Variants in NRXN3 observed in about 807,000 individuals in gnomAD.
NRXN3 encodes the protein neurexin 3.
NRXN3 carries 32 observed loss-of-function variants against 137.6 expected under a neutral mutation model. The observed-to-expected ratio is 0.23, with a 90% confidence interval of 0.18 to 0.31. NRXN3 has a LOEUF of 0.31. Ranked by LOEUF, NRXN3 falls within the 10% of genes least tolerant of loss-of-function variation. The pLI is 1.00. For missense variants in NRXN3, 1,574 were observed against 2,062.5 expected (o/e 0.76, Z 4.59); for synonymous variants, 798 against 784.5 (o/e 1.02, Z -0.29).
chr14:79,556,093 C>T (rs899625694), intron 16 of NRXN3, among the ~76,000 whole-genome samples: 2 of 152,156 alleles, frequency 1.3e-5, no homozygotes, highest in Middle Eastern at 3.4e-3. Flanking sequence ...ACACAGACAC[C>T]GTTTTAATCC....
chr14:78,647,793 T>A (rs1005136700), intron 5 of NRXN3, among the ~76,000 whole-genome samples: 5 of 152,360 alleles, frequency 3.3e-5, no homozygotes, highest in South Asian at 4.1e-4. Flanking sequence ...ATAAGATTAT[T>A]ATTTTGTCCA....
At chr14:78,847,035 C>T (rs1359409564) in intron 10 of NRXN3, among the ~76,000 whole-genome samples, 1 of 152,070 alleles carries the variant, frequency 6.6e-6, no homozygotes, top group Admixed American at 6.6e-5. Context: ...TGTGGTCCCT[C>T]ACTGTTGCTC....
intron 4 of NRXN3, among the ~76,000 whole-genome samples, chr14:78,606,337 C>G (rs2097252660): frequency 6.6e-6 from 1 of 152,110 alleles, no homozygotes; most frequent in African/African-American, 2.4e-5. Context: ...CAGGAAATAC[C>G]AACTTCAGTT....
At chr14:78,378,873 C>T (rs2088453426) in intron 4 of NRXN3, among the ~76,000 whole-genome samples, 1 of 151,952 alleles carries the variant, frequency 6.6e-6, no homozygotes, top group African/African-American at 2.4e-5. Flanking sequence ...AAAATTGACA[C>T]AACTTTAGCT....
chr14:79,847,187 A>C (rs774316912), intron 20 of NRXN3, among the ~76,000 whole-genome samples: 8 of 152,154 alleles, frequency 5.3e-5, no homozygotes, highest in Non-Finnish European at 1.0e-4. Context: ...ACAAACAAGA[A>C]TCACCTCAAC....
At chr14:78,376,389 G>A (rs1253193386) in intron 4 of NRXN3, among the ~76,000 whole-genome samples, 3 of 152,114 alleles carry the variant, frequency 2.0e-5, no homozygotes, top group Admixed American at 2.0e-4. Context: ...AACAGATCTG[G>A]TTTTTACATT....
chr14:78,176,289 AT>A (rs1301612385), intron 1 of NRXN3, among the ~76,000 whole-genome samples: 1 of 151,836 alleles, frequency 6.6e-6, no homozygotes, highest in Non-Finnish European at 1.5e-5. Context: ...AGTAATCACC[AT>A]TCTCATCATC....
intron 16 of NRXN3, among the ~76,000 whole-genome samples, chr14:79,490,320 C>T (rs1940334297): frequency 6.6e-6 from 1 of 152,066 alleles, no homozygotes; most frequent in South Asian, 2.1e-4. Context: ...TGGGTAAATA[C>T]CCAAAAGAAA....
chr14:78,467,890 A>G (rs1231186380), intron 4 of NRXN3, among the ~76,000 whole-genome samples: 2 of 149,366 alleles, frequency 1.3e-5, no homozygotes, highest in Non-Finnish European at 3.0e-5. Flanking sequence ...TTGTAAATAC[A>G]TATATCCTAG....
chr14:78,826,242 T>C (rs923193949), intron 10 of NRXN3, among the ~76,000 whole-genome samples: 1 of 152,152 alleles, frequency 6.6e-6, no homozygotes, highest in Non-Finnish European at 1.5e-5. Context: ...AATTTTTTAG[T>C]TAACCTGTCA....
At chr14:78,291,074 G>A (rs965280367) in intron 3 of NRXN3, among the ~76,000 whole-genome samples, 1 of 152,196 alleles carries the variant, frequency 6.6e-6, no homozygotes, top group Non-Finnish European at 1.5e-5. Context: ...GGTCATAAAT[G>A]AAGCTGATGT....
chr14:78,404,373 TTG>T (rs1439892853), intron 4 of NRXN3, among the ~76,000 whole-genome samples: 1 of 152,112 alleles, frequency 6.6e-6, no homozygotes, highest in African/African-American at 2.4e-5. Flanking sequence ...TTTTCAGAAC[TTG>T]TGTGATTCAG....
intron 2 of NRXN3, among the ~76,000 whole-genome samples, chr14:78,265,851 T>A (rs895533698): frequency 6.6e-6 from 1 of 152,218 alleles, no homozygotes; most frequent in Admixed American, 6.5e-5. Flanking sequence ...ATCACAATGA[T>A]AATTAATTAG....
rs546328690 is a variant in NRXN3, at chr14:79,732,025, G to A, written c.4014+34088G>A. ...CCCCTCCCAATCAGCTCCACCTATA[G>A]ATATAGAAATACAAAGTGAACAAAT... On this transcript the variant is annotated intron_variant, in intron 19 of 20. Transcript: ENST00000335750. 4.6e-5 allele frequency among the ~76,000 whole-genome samples: 7 copies of A among 151,942 alleles called. No individual in the cohort carries two copies. The East Asian group carries it at 1.4e-3, about 29-fold the overall frequency.
intron 7 of NRXN3, among the ~76,000 whole-genome samples, chr14:78,712,773 G>A (rs957131598): frequency 4.6e-5 from 7 of 152,156 alleles, no homozygotes; most frequent in African/African-American, 1.7e-4. Flanking sequence ...ATGTTGGCCA[G>A]GTTGGTCTTG....
At chr14:78,749,429 C>T (rs2098630541) in intron 8 of NRXN3, among the ~76,000 whole-genome samples, 1 of 152,158 alleles carries the variant, frequency 6.6e-6, no homozygotes, top group South Asian at 2.1e-4. Context: ...GTTTCATTTT[C>T]AGTGAAGTAT....
intron 10 of NRXN3, among the ~76,000 whole-genome samples, chr14:78,831,101 T>C (rs1225235039): frequency 6.6e-6 from 1 of 152,184 alleles, no homozygotes; most frequent in Non-Finnish European, 1.5e-5. Flanking sequence ...TACATTCTTA[T>C]AGAACAAGGT....
intron 19 of NRXN3, among the ~76,000 whole-genome samples, chr14:79,779,332 C>T (rs894751954): frequency 4.6e-5 from 7 of 152,028 alleles, no homozygotes; most frequent in Non-Finnish European, 8.8e-5. Context: ...AGGCTGGTCT[C>T]GAACTCCCGA....
intron 19 of NRXN3, among the ~76,000 whole-genome samples, chr14:79,798,402 G>C (rs1349080625): frequency 1.3e-5 from 2 of 152,156 alleles, no homozygotes; most frequent in Non-Finnish European, 2.9e-5. Context: ...AAGGTATAGA[G>C]GGGAAAGAAC....
Sources: gnomAD v4.1 joint callset for allele counts (sites outside exome capture counted in the v4.1 genomes callset) on GRCh38, gnomAD v4.1.1 for gene constraint, MANE v1.5 for transcripts, NCBI Gene and HGNC (gene_info 2026-07-23, HGNC 2026-07-21) for gene names.